SRGAP1: variants seen among roughly 807,000 people sequenced by gnomAD.
SRGAP1 encodes SLIT-ROBO Rho GTPase activating protein 1.
In SRGAP1, 43 loss-of-function variants were observed where a neutral mutation model predicts 121.9. The observed-to-expected ratio is 0.35, with a 90% CI of 0.28 to 0.46. The LOEUF is 0.46. SRGAP1 is among the 20% of genes least tolerant of loss of function. SRGAP1 has a pLI of 1.00. For missense variants in SRGAP1, 1,102 were observed against 1,350.9 expected (o/e 0.82, Z 2.89); for synonymous variants, 447 against 485.4 (o/e 0.92, Z 1.04).
At chr12:63,953,319 C>T (rs1438334835) in intron 1 of SRGAP1, among the ~76,000 whole-genome samples, 1 of 151,754 alleles carries the variant, frequency 6.6e-6, no homozygotes, top group Non-Finnish European at 1.5e-5. Flanking sequence ...TTCATCTTCT[C>T]AGAAGGAAAA....
At chr12:63,867,118 T>C (rs1899665103) in intron 1 of SRGAP1, among the ~76,000 whole-genome samples, 1 of 152,238 alleles carries the variant, frequency 6.6e-6, no homozygotes, top group South Asian at 2.1e-4. Context: ...TCCAAAGTTC[T>C]GGGATTACAA....
intron 1 of SRGAP1, among the ~76,000 whole-genome samples, chr12:63,868,669 T>C (rs1366706499): frequency 6.6e-6 from 1 of 152,200 alleles, no homozygotes; most frequent in Non-Finnish European, 1.5e-5. Context: ...GCCTGAATTC[T>C]ATTTTCTATG....
Position 63,895,464 on chromosome 12 carries a change from T to G in SRGAP1, c.67+50581T>G, listed in dbSNP as rs140728510. Among the ~76,000 whole-genome samples the G allele has an allele frequency of 1.6e-3, 239 of 152,342 alleles. 2 individuals are homozygous for G. Among genetic ancestry groups the G allele is most frequent in the African/African-American group, 5.5e-3 (230 of 41,578 alleles). On this transcript the variant is annotated intron_variant, in intron 1 of 21. Transcript: ENST00000355086. ...CTGGCCACACAACCAAATTTGGAAA[T>G]GTACTGGACAGAGCAGATATATAAC...
At chr12:64,141,218 C>T (rs2136653687) in intron 21 of SRGAP1, among the ~76,000 whole-genome samples, 1 of 142,296 alleles carries the variant, frequency 7.0e-6, no homozygotes, top group African/African-American at 2.7e-5. Flanking sequence ...CACATGTATA[C>T]ATATGTAACT....
chr12:64,161,783 A>T lies in SRGAP1; in HGVS notation c.*19111A>T, dbSNP rs760232968. ...ACAGATTGTCATAGCAGTATTATCC[A>T]TAATAGCCAAATGATAGAAGCAATG... On this transcript the variant is annotated 3_prime_UTR_variant, in exon 22 of 22. Coordinates refer to ENST00000355086, the MANE Select transcript of SRGAP1 (RefSeq NM_020762.4). 7.2e-5 allele frequency: 11 copies of T among 152,250 alleles called. No individual in the cohort carries two copies. Among genetic ancestry groups the T allele is most frequent in the Non-Finnish European group, 1.3e-4 (9 of 68,046 alleles). 9.4% of individuals were successfully genotyped at this position (152,250 alleles called of 1,614,324 possible). A position where few individuals can be genotyped will look rare whatever the true frequency, so the allele number is the denominator to read the frequency against.
At chr12:64,120,085 C>T (rs1044833860) in intron 18 of SRGAP1, among the ~76,000 whole-genome samples, 1 of 152,034 alleles carries the variant, frequency 6.6e-6, no homozygotes, top group African/African-American at 2.4e-5. Flanking sequence ...AATATTATTT[C>T]TTTCTACAAG....
intron 1 of SRGAP1, among the ~76,000 whole-genome samples, chr12:63,901,601 C>T (rs2029932509): frequency 1.3e-5 from 2 of 152,180 alleles, no homozygotes; most frequent in Admixed American, 6.5e-5. Context: ...CAGGTTAGCC[C>T]TTAATCACAT....
rs2136506112 is a variant in SRGAP1 at position 64,042,938 on chromosome 12, G to A, written c.638G>A (p.Ser213Asn). The change falls in exon 5 of 22, where the codon AGC (serine) becomes AAC (asparagine). Residue 213 changes from serine (S) to asparagine (N), a missense_variant. Physicochemically the swap from Ser to Asn is conservative, Grantham distance 46. This residue lies in a region of SRGAP1 where 747 missense variants were observed against 929.4 expected (regional missense o/e 0.80). Coordinates refer to ENST00000355086, the MANE Select transcript of SRGAP1 (RefSeq NM_020762.4). ...IRLEERHQRR[S>N]SVKKIEKMKE... ...CTAGAGGAGAGACATCAACGGCGAA[G>A]CTCTGTAAAGAAAATTGAAAAAATG... 21 of 1,613,328 alleles carry A rather than the reference G, an allele frequency of 1.3e-5. No individual in the cohort carries two copies. Among genetic ancestry groups the A allele is most frequent in the Non-Finnish European group, 1.7e-5 (20 of 1,179,760 alleles).
chr12:63,898,976 A>G (rs1411517961), intron 1 of SRGAP1, among the ~76,000 whole-genome samples: 1 of 152,200 alleles, frequency 6.6e-6, no homozygotes, highest in East Asian at 1.9e-4. Flanking sequence ...TGTTTTTGCC[A>G]GCTTACTTAG....
chr12:63,893,789 C>T (rs571503169), intron 1 of SRGAP1, among the ~76,000 whole-genome samples: 1 of 152,262 alleles, frequency 6.6e-6, no homozygotes, highest in African/African-American at 2.4e-5. Flanking sequence ...CTAATTACAT[C>T]TGACATTACT....
intron 17 of SRGAP1, among the ~76,000 whole-genome samples, chr12:64,112,294 T>C (rs1460780310): frequency 6.6e-6 from 1 of 152,208 alleles, no homozygotes; most frequent in East Asian, 1.9e-4. Context: ...CAAGAAAAGA[T>C]AACAGATTGA....
intron 1 of SRGAP1, among the ~76,000 whole-genome samples, chr12:63,938,928 G>C (rs1453915771): frequency 6.6e-6 from 1 of 151,736 alleles, no homozygotes; most frequent in African/African-American, 2.4e-5. Context: ...GCTGAGGTGG[G>C]AAAATGGCTT....
At chr12:64,060,021 G>A (rs2035416122) in intron 6 of SRGAP1, among the ~76,000 whole-genome samples, 1 of 151,862 alleles carries the variant, frequency 6.6e-6, no homozygotes, top group African/African-American at 2.4e-5. Context: ...TTTACTTGAT[G>A]ATTGTTTTAG....
At chr12:64,058,761 T>C (rs2035390973) in intron 6 of SRGAP1, among the ~76,000 whole-genome samples, 1 of 152,118 alleles carries the variant, frequency 6.6e-6, no homozygotes, top group Non-Finnish European at 1.5e-5. Context: ...TAAACCTTTT[T>C]AACCAAGTAT....
At chr12:64,141,924 G>T (rs764682691) in intron 21 of SRGAP1, among the ~76,000 whole-genome samples, 2 of 152,122 alleles carry the variant, frequency 1.3e-5, no homozygotes, top group African/African-American at 4.8e-5. Context: ...CCAGGAGGTC[G>T]AGGCCGTAGT....
chr12:63,951,152 C>CTTTTTTT lies in SRGAP1; in HGVS notation c.68-32772_68-32766dup, dbSNP rs58637983. ...GGGCTGGTCCATGCCATTTAGAACT[C>CTTTTTTT]TTTTTTTTTTTTTTTTTTTTTTTTT... On this transcript the variant is annotated intron_variant, in intron 1 of 21. Coordinates refer to ENST00000355086, the MANE Select transcript of SRGAP1 (RefSeq NM_020762.4). 1.5e-3 allele frequency among the ~76,000 whole-genome samples: 68 copies of CTTTTTTT among 44,182 alleles called. 14 individuals carry two copies. The highest frequency in any genetic ancestry group is 4.9e-3 in the African/African-American group (58 of 11,920). The allele number at this position is 44,182 out of a possible 152,430, so 29.0% of individuals were successfully genotyped here.
chr12:63,898,315 C>G (rs1398210340), intron 1 of SRGAP1, among the ~76,000 whole-genome samples: 1 of 152,188 alleles, frequency 6.6e-6, no homozygotes, highest in African/African-American at 2.4e-5. Context: ...TAATATAGTA[C>G]AGTCAGCTCA....
chr12:64,091,077 G>A (rs2036041890), intron 11 of SRGAP1, among the ~76,000 whole-genome samples, 199 bp from the exon 12 acceptor site: 1 of 152,166 alleles, frequency 6.6e-6, no homozygotes, highest in Non-Finnish European at 1.5e-5. Flanking sequence ...AAACAGCAGT[G>A]TGAATAAACA....
intron 1 of SRGAP1, among the ~76,000 whole-genome samples, chr12:63,885,300 G>A (rs1298947375): frequency 3.9e-5 from 6 of 152,122 alleles, no homozygotes; most frequent in East Asian, 1.9e-4. Flanking sequence ...AGGGAAACAC[G>A]CTTACTGGTT....
Sources: allele counts gnomAD v4.1 joint callset (sites outside exome capture counted in the v4.1 genomes callset), GRCh38; gene constraint gnomAD v4.1.1; regional missense constraint gnomAD v4.1.1; transcripts MANE v1.5; gene names NCBI Gene and HGNC (gene_info 2026-07-23, HGNC 2026-07-21).